Variants in MMP3 observed in about 807,000 individuals in gnomAD.
MMP3 encodes the protein matrix metallopeptidase 3, also known as stromelysin-1.
MMP3 carries 46 observed loss-of-function variants against 47.3 expected under a neutral mutation model. The ratio of observed to expected loss-of-function variants is 0.97; its 90% CI spans 0.77 to 1.24. MMP3 has a LOEUF of 1.24. MMP3 is among the 50% of genes most tolerant of loss of function. The probability of loss-of-function intolerance (pLI) is 0.00; values close to 1 mark genes in which losing one functional copy is unlikely to be tolerated. For missense variants in MMP3, 558 were observed against 565.5 expected (o/e 0.99, Z 0.13); for synonymous variants, 216 against 206.5 (o/e 1.05, Z -0.39).
In MMP3 at chr11:102,842,195, G is replaced by C; in HGVS notation, c.584C>G (p.Ala195Gly). The C allele has an allele frequency of 6.2e-7, 1 of 1,611,768 alleles. No homozygotes were observed. The highest frequency in any genetic ancestry group is 8.5e-7 in the Non-Finnish European group (1 of 1,178,842). Residue 195 changes from alanine to glycine, a missense_variant, in exon 4 of 10, where the codon GCC (alanine) becomes GGC (glycine). Transcript: ENST00000299855. ...CCATTGTTCATCATCATCAAAGTGG[G>C]CATCTCCATTAATCCCTGGCCCAGG... is the stretch of plus-strand genomic sequence containing the variant. ...YAPGPGINGD[A>G]HFDDDEQWTK...
intron 4 of MMP3, among the ~76,000 whole-genome samples, chr11:102,841,684 T>G (rs1488032450): frequency 2.0e-4 from 29 of 143,862 alleles, no homozygotes; most frequent in Admixed American, 1.6e-3. Context: ...TCTTTTAACC[T>G]AAAAGTACTA....
intron 3 of MMP3, 67 bp downstream of exon 3, chr11:102,842,364 A>G: frequency 3.2e-6 from 5 of 1,558,440 alleles, no homozygotes; most frequent in Non-Finnish European, 4.3e-6. Context: ...AGATAGATGA[A>G]TGGATACATT....
At position 102,842,551 on chromosome 11, in the gene MMP3, T is replaced by C. The variant is rs782138485; in HGVS notation, c.379A>G (p.Lys127Glu). ...RIVNYTPDLP[K>E]DAVDSAVEKA... Reference sequence around the variant, plus strand: ...TCAACAGCAGAATCAACAGCATCTTTTGGCAAATCTGGTGTATAATTCACA... The same window carrying C: ...TCAACAGCAGAATCAACAGCATCTTCTGGCAAATCTGGTGTATAATTCACA... Residue 127 changes from lysine to glutamate, a missense_variant, in exon 3 of 10, where the codon AAA becomes GAA. Coordinates refer to ENST00000299855, the MANE Select transcript of MMP3 (RefSeq NM_002422.5). The C allele has an allele frequency of 8.1e-6, 13 of 1,613,860 alleles. No homozygotes were observed. The Admixed American group carries it at 2.0e-4, about 25-fold the overall frequency.
chr11:102,842,759 C>A lies in MMP3; in HGVS notation c.263G>T (p.Arg88Leu), dbSNP rs782531877. Residue 88 changes from arginine (R) to leucine (L), a missense_variant, in exon 2 of 10, where the codon CGC (arginine) becomes CTC (leucine). By Grantham distance (102) the Arg-to-Leu change is moderately radical. Transcript: ENST00000299855. The part of the protein sequence containing the change: ...KLDSDTLEVM[R>L]KPRCGVPDVG... ...ATCAGGAACTCCACACCTGGGCTTG[C>A]GCATCACCTCCAGAGTGTCGGAGTC... is the stretch of plus-strand genomic sequence containing the variant. 9 of 1,613,904 alleles carry A rather than the reference C, an allele frequency of 5.6e-6. No homozygotes were observed. The highest frequency in any genetic ancestry group is 1.1e-5 in the South Asian group (1 of 91,074).
chr11:102,837,331 C>A lies in MMP3; in HGVS notation c.1300G>T (p.Asp434Tyr), dbSNP rs781807154. The change falls in exon 9 of 10, where the codon GAC becomes TAC. Residue 434 changes from aspartate (D) to tyrosine (Y), a missense_variant. Transcript: ENST00000299855. This position sits in a 1 kb window ranked among gnomAD's most constrained non-coding sequence, Gnocchi z 4.4. ...TCAAAAACAGCATCAATCTTTGAGT[C>A]AATCCCTGGAAAGTCTTCAGCTATT... The part of the protein sequence containing the change: ...KQIAEDFPGI[D>Y]SKIDAVFEEF... The A allele has an allele frequency of 2.4e-5, 38 of 1,613,462 alleles. No individual in the cohort carries two copies. The highest frequency in any genetic ancestry group is 3.1e-5 in the Non-Finnish European group (37 of 1,179,932).
intron 4 of MMP3, among the ~76,000 whole-genome samples, chr11:102,841,660 A>G (rs918025677): frequency 6.6e-5 from 10 of 152,030 alleles, no homozygotes; most frequent in African/African-American, 2.4e-4. Context: ...CCTTCAGAAC[A>G]AGCCCATAAA....
At position 102,840,470 on chromosome 11, in the gene MMP3, C is replaced by T. The variant is rs148047905; in HGVS notation, c.749G>A (p.Arg250His). 4.3e-4 allele frequency: 690 copies of T among 1,614,018 alleles called. No individual in the cohort carries two copies. Among genetic ancestry groups the T allele is most frequent in the Non-Finnish European group, 5.2e-4 (614 of 1,179,992 alleles). Reference protein sequence around the residue: ...YHSLTDLTRFRLSQDDINGIQ... With the variant: ...YHSLTDLTRFHLSQDDINGIQ... Reference sequence around the variant, plus strand: ...GCCATTTATATCATCTTGAGACAGGCGGAACCGAGTCAGGTCTGTGAGTGA... The same window carrying T: ...GCCATTTATATCATCTTGAGACAGGTGGAACCGAGTCAGGTCTGTGAGTGA... The change falls in exon 5 of 10, where the codon CGC becomes CAC. Residue 250 changes from arginine to histidine, a missense_variant. Coordinates refer to ENST00000299855, the MANE Select transcript of MMP3 (RefSeq NM_002422.5).
In MMP3 at chr11:102,836,631, A is replaced by C. The variant is rs1484769103; in HGVS notation, c.1334-405T>G. 1.1e-5 allele frequency: 5 copies of C among 462,734 alleles called. No individual in the cohort carries two copies. Among genetic ancestry groups the C allele is most frequent in the African/African-American group, 4.0e-5 (2 of 49,924 alleles). 28.7% of individuals were successfully genotyped at this position (462,734 alleles called of 1,614,324 possible). ...CTCATCACCTATTTCTTTCTTCCCC[A>C]AAAATCCTCCTCCCTTTTCCCTGCA... On this transcript the variant is annotated intron_variant, in intron 9 of 9. Transcript: ENST00000299855. The surrounding 1 kb of genome is among the most constrained non-coding windows in gnomAD (Gnocchi z 4.6).
Position 102,837,607 on chromosome 11 carries a change from C to A in MMP3, c.1230-206G>T, listed in dbSNP as rs3025076. On this transcript the variant is annotated intron_variant, in intron 8 of 9. Transcript: ENST00000299855. The surrounding 1 kb of genome is among the most constrained non-coding windows in gnomAD (Gnocchi z 4.4). ...CCATATCTCCATCCGGAACAGGGGC[C>A]GCATCCTGCTGTATGTAGCACATGC... Among the ~76,000 whole-genome samples, 1 of 152,060 alleles carries A rather than the reference C, an allele frequency of 6.6e-6. No individual in the cohort carries two copies. Among genetic ancestry groups the A allele is most frequent in the South Asian group, 2.1e-4 (1 of 4,824 alleles).
intron 1 of MMP3, 152 bp downstream of exon 1, chr11:102,843,290 C>A (rs1417036584): frequency 1.9e-5 from 12 of 636,482 alleles, no homozygotes; most frequent in South Asian, 1.2e-4. Flanking sequence ...GATAATGAGA[C>A]CTTTTCCACT....
At position 102,837,367 on chromosome 11, in the gene MMP3, A is replaced by G. The variant is rs1555004748; in HGVS notation, c.1264T>C (p.Phe422Leu). The G allele has an allele frequency of 1.2e-6, 2 of 1,614,016 alleles. No homozygotes were observed. The highest frequency in any genetic ancestry group is 1.7e-6 in the Non-Finnish European group (2 of 1,179,984). Residue 422 changes from phenylalanine (F) to leucine (L), a missense_variant, in exon 9 of 10, where the codon TTT becomes CTT. Transcript: ENST00000299855. The surrounding 1 kb of genome is among the most constrained non-coding windows in gnomAD (Gnocchi z 4.4). The part of the protein sequence containing the change: ...DEKRNSMEPG[F>L]PKQIAEDFPG... ...AAGTCTTCAGCTATTTGCTTGGGAA[A>G]GCCTGGCTCCATGGAATTTCTCTTC...
rs782558227 is a variant in MMP3 at position 102,839,149 on chromosome 11, A to T, written c.1030T>A (p.Tyr344Asn). 6.2e-6 allele frequency: 10 copies of T among 1,614,184 alleles called. No individual in the cohort carries two copies. The highest frequency in any genetic ancestry group is 6.8e-6 in the Non-Finnish European group (8 of 1,180,006). ...PSLPSGVDAA[Y>N]EVTSKDLVFI... ...ACGAGGTCCTTGCTAGTAACTTCATATGCGGCATCCACGCCTGAAGGAAGA... is the reference window on the plus strand; with the variant it reads ...ACGAGGTCCTTGCTAGTAACTTCATTTGCGGCATCCACGCCTGAAGGAAGA... The change falls in exon 7 of 10, where the codon TAT becomes AAT. Residue 344 changes from tyrosine (Y) to asparagine (N), a missense_variant. By Grantham distance (143) the Tyr-to-Asn change is moderately radical. Transcript: ENST00000299855.
chr11:102,837,597 GA>G lies in MMP3; in HGVS notation c.1230-197del, dbSNP rs1858906178. Among the ~76,000 whole-genome samples the G allele has an allele frequency of 6.6e-6, 1 of 152,066 alleles. No homozygotes were observed. The highest frequency in any genetic ancestry group is 1.5e-5 in the Non-Finnish European group (1 of 68,028). ...GTTCTGAAAGCCATATCTCCATCCG[GA>G]ACAGGGGCCGCATCCTGCTGTATGT... On this transcript the variant is annotated intron_variant, in intron 8 of 9. Coordinates refer to ENST00000299855, the MANE Select transcript of MMP3 (RefSeq NM_002422.5). The surrounding 1 kb of genome is among the most constrained non-coding windows in gnomAD (Gnocchi z 4.4).
In MMP3 at chr11:102,836,628, C is replaced by A; in HGVS notation, c.1334-402G>T. On this transcript the variant is annotated intron_variant, in intron 9 of 9. Coordinates refer to ENST00000299855, the MANE Select transcript of MMP3 (RefSeq NM_002422.5). This position sits in a 1 kb window ranked among gnomAD's most constrained non-coding sequence, Gnocchi z 4.6. Reference sequence around the variant, plus strand: ...ACTCTCATCACCTATTTCTTTCTTCCCCAAAAATCCTCCTCCCTTTTCCCT... The same window carrying A: ...ACTCTCATCACCTATTTCTTTCTTCACCAAAAATCCTCCTCCCTTTTCCCT... The A allele has an allele frequency of 2.2e-6, 1 of 463,082 alleles. No individual in the cohort carries two copies. Among genetic ancestry groups the A allele is most frequent in the Admixed American group, 2.4e-5 (1 of 41,486 alleles). 28.7% of individuals were successfully genotyped at this position (463,082 alleles called of 1,614,324 possible). A position where few individuals can be genotyped will look rare whatever the true frequency, so the allele number is the denominator to read the frequency against.
chr11:102,840,382 A>G (rs377211384), intron 5 of MMP3, 47 bp downstream of exon 5: 2 of 1,602,580 alleles, frequency 1.2e-6, no homozygotes, highest in South Asian at 2.2e-5. Flanking sequence ...TCTTCTGAAG[A>G]CCATCATTGC....
rs1555005770 is a variant in MMP3 at position 102,842,718 on chromosome 11, T to C, written c.304A>G (p.Thr102Ala). ...CGVPDVGHFR[T>A]FPGIPKWRKT... is the part of the protein sequence containing the mutation. ...CTCCACTTCGGGATGCCAGGAAAGG[T>C]TCTGAAGTGACCAACATCAGGAACT... is the stretch of plus-strand genomic sequence containing the variant. Residue 102 changes from threonine to alanine, a missense_variant, in exon 2 of 10, where the codon ACC (threonine) becomes GCC (alanine). By Grantham distance (58) the Thr-to-Ala change is moderately conservative. Coordinates refer to ENST00000299855, the MANE Select transcript of MMP3 (RefSeq NM_002422.5). The C allele has an allele frequency of 1.9e-6, 3 of 1,613,994 alleles. No individual in the cohort carries two copies. The highest frequency in any genetic ancestry group is 2.5e-6 in the Non-Finnish European group (3 of 1,179,976).
intron 7 of MMP3, 140 bp from the exon 8 acceptor site, chr11:102,838,850 G>A: frequency 3.7e-6 from 4 of 1,081,730 alleles, no homozygotes; most frequent in Non-Finnish European, 5.2e-6. Flanking sequence ...CTTACAGTGG[G>A]CTTTTCACAA....
rs782465369 is a variant in MMP3 at position 102,842,477 on chromosome 11, C to T, written c.453G>A (p.Arg151=). Residue 151 remains arginine (R), a synonymous_variant, in exon 3 of 10, where the codon AGG becomes AGA. Transcript: ENST00000299855. The part of the protein sequence containing the change: ...WEEVTPLTFS[R]LYEGEADIMI... ...TTATATCAGCCTCTCCTTCATACAG[C>T]CTGGAGAATGTGAGTGGAGTCACCT... 1.0e-5 allele frequency: 16 copies of T among 1,533,466 alleles called. No individual in the cohort carries two copies. The South Asian group carries it at 1.2e-4, about 12-fold the overall frequency. The allele number at this position is 1,533,466 out of a possible 1,614,324, so 95.0% of individuals were successfully genotyped here. A position where few individuals can be genotyped will look rare whatever the true frequency, so the allele number is the denominator to read the frequency against.
At chr11:102,839,021 AC>A in intron 7 of MMP3, 88 bp downstream of exon 7, 1 of 1,425,496 alleles carries the variant, frequency 7.0e-7, no homozygotes. Context: ...ATTAGCCAGA[AC>A]TTGTAGTAGG....
Sources: allele counts gnomAD v4.1 joint callset (sites outside exome capture counted in the v4.1 genomes callset), GRCh38; gene constraint gnomAD v4.1.1; non-coding constraint Gnocchi (gnomAD v3.1); transcripts MANE v1.5; gene names NCBI Gene and HGNC (gene_info 2026-07-23, HGNC 2026-07-21).